The following APBA2 variants were observed in gnomAD, a reference collection of about 807,000 sequenced individuals.
APBA2 encodes amyloid-beta A4 precursor protein-binding family A member 2.
In APBA2, 30 loss-of-function variants were observed where a neutral mutation model predicts 75.0. The ratio of observed to expected loss-of-function variants is 0.40; its 90% CI spans 0.30 to 0.54. The LOEUF is 0.54. Among genes scored for constraint, APBA2 ranks in the 20% least tolerant of loss-of-function variants. APBA2 has a pLI of 0.49. For synonymous variants in APBA2, 444 were observed against 409.6 expected, an observed-to-expected ratio of 1.08 and a Z score of -1.01; for missense variants, 801 against 1,016.1, an observed-to-expected ratio of 0.79 and a Z score of 2.88.
At chr15:28,997,896 G>A (rs999265476) in intron 3 of APBA2, among the ~76,000 whole-genome samples, 2 of 152,196 alleles carry the variant, frequency 1.3e-5, no homozygotes, top group African/African-American at 4.8e-5. Flanking sequence ...TATCATGTAA[G>A]TGAATATACT....
chr15:28,969,921 C>T (rs1186594744), intron 2 of APBA2, among the ~76,000 whole-genome samples: 2 of 152,230 alleles, frequency 1.3e-5, no homozygotes, highest in Non-Finnish European at 2.9e-5. Flanking sequence ...CAGGCCAGGC[C>T]GGGCGGGCAG....
At chr15:28,983,238 C>T (rs1022521667) in intron 2 of APBA2, among the ~76,000 whole-genome samples, 7 of 152,106 alleles carry the variant, frequency 4.6e-5, no homozygotes, top group South Asian at 2.1e-4. Flanking sequence ...TTCAGTCAGC[C>T]GTCACGTTGG....
At chr15:29,005,919 A>C (rs2039091289) in intron 3 of APBA2, among the ~76,000 whole-genome samples, 1 of 152,130 alleles carries the variant, frequency 6.6e-6, no homozygotes, top group Non-Finnish European at 1.5e-5. Flanking sequence ...GAAAAGAAAG[A>C]GTTTAATACC....
intron 2 of APBA2, among the ~76,000 whole-genome samples, chr15:28,989,800 C>T (rs974248666): frequency 1.3e-5 from 2 of 152,194 alleles, no homozygotes; most frequent in Non-Finnish European, 2.9e-5. Flanking sequence ...GTAGACGTGG[C>T]TAAGCTGCCT....
In APBA2 at chr15:28,918,170, G is replaced by C. The variant is rs542014204; in HGVS notation, c.-204-3470G>C. 1.3e-5 allele frequency among the ~76,000 whole-genome samples: 2 copies of C among 152,224 alleles called. No individual in the cohort carries two copies. Among genetic ancestry groups the C allele is most frequent in the Admixed American group, 1.3e-4 (2 of 15,288 alleles). ...GGTGGTCTGCTTTGAGTTTTGCAGCGTTGCCTGCGGTCTCCGTGGGTGAGG... is the reference window on the plus strand; with the variant it reads ...GGTGGTCTGCTTTGAGTTTTGCAGCCTTGCCTGCGGTCTCCGTGGGTGAGG... On this transcript the variant is annotated intron_variant, in intron 1 of 14. Coordinates refer to ENST00000683413, the MANE Select transcript of APBA2 (RefSeq NM_001353788.2). The surrounding 1 kb of genome is among the most constrained non-coding windows in gnomAD (Gnocchi z 4.2).
intron 2 of APBA2, among the ~76,000 whole-genome samples, chr15:28,954,628 T>C (rs2036069698): frequency 6.6e-6 from 1 of 152,196 alleles, no homozygotes; most frequent in Non-Finnish European, 1.5e-5. Flanking sequence ...GGTTGGGGGC[T>C]TGGTCTGCCT....
intron 2 of APBA2, among the ~76,000 whole-genome samples, chr15:28,955,007 C>A (rs1265951632): frequency 6.6e-6 from 1 of 152,134 alleles, no homozygotes; most frequent in Non-Finnish European, 1.5e-5. Context: ...GCATAGCCGG[C>A]CCACCCCCAG....
intron 7 of APBA2, 47 bp downstream of exon 7, chr15:29,093,267 G>A (rs373385099): frequency 3.1e-6 from 5 of 1,609,858 alleles, no homozygotes. Flanking sequence ...ACACTTTGGG[G>A]GGCACTAGCA....
intron 1 of APBA2, among the ~76,000 whole-genome samples, chr15:28,887,346 C>T (rs1464703074): frequency 6.6e-6 from 1 of 152,202 alleles, no homozygotes; most frequent in Admixed American, 6.5e-5. Flanking sequence ...TTTCCTTCCT[C>T]TTTGAGAAAG....
At chr15:29,005,179 A>AACTGTCT (rs1461792275) in intron 3 of APBA2, among the ~76,000 whole-genome samples, 1 of 152,144 alleles carries the variant, frequency 6.6e-6, no homozygotes, top group Admixed American at 6.5e-5. Flanking sequence ...TCTACCACTT[A>AACTGTCT]ACTGTCTCTG....
At chr15:29,012,331 T>C (rs115430998) in intron 3 of APBA2, among the ~76,000 whole-genome samples, 1,620 of 152,332 alleles carry the variant, frequency 0.011, 30 homozygotes, top group African/African-American at 0.036. Context: ...TCAGGTATTC[T>C]ATAGAATATC....
chr15:28,890,646 G>A (rs1001724529), intron 1 of APBA2, among the ~76,000 whole-genome samples: 1 of 152,214 alleles, frequency 6.6e-6, no homozygotes, highest in Non-Finnish European at 1.5e-5. Flanking sequence ...AGTAACAGGA[G>A]CTCAGTTCCA....
intron 6 of APBA2, among the ~76,000 whole-genome samples, chr15:29,090,825 G>A (rs76473789): frequency 0.01 from 1,556 of 152,236 alleles, 20 homozygotes; most frequent in African/African-American, 0.035. Flanking sequence ...AGTAGAAACA[G>A]GCCTACCTCA....
intron 1 of APBA2, among the ~76,000 whole-genome samples, chr15:28,920,206 A>G (rs186504005): frequency 1.3e-5 from 2 of 152,308 alleles, no homozygotes; most frequent in African/African-American, 4.8e-5. Flanking sequence ...GAATTCAGAG[A>G]TGCCTGCACC....
intron 3 of APBA2, among the ~76,000 whole-genome samples, chr15:29,029,365 A>G (rs1028533699): frequency 2.6e-5 from 4 of 151,478 alleles, no homozygotes; most frequent in Non-Finnish European, 5.9e-5. Context: ...GTAAATGTGT[A>G]TATTTCCTAA....
chr15:28,943,655 A>G (rs986132889), intron 2 of APBA2, among the ~76,000 whole-genome samples: 6 of 152,106 alleles, frequency 3.9e-5, no homozygotes, highest in Non-Finnish European at 7.4e-5. Context: ...CACTGAGTAC[A>G]TGATGCCTAC....
intron 2 of APBA2, chr15:28,961,335 CAG>C (rs2036459629): frequency 6.6e-6 from 1 of 152,300 alleles, no homozygotes; most frequent in Non-Finnish European, 1.5e-5. Flanking sequence ...TCTGGGGCGT[CAG>C]TGGGGATTGG....
chr15:29,020,492 CT>C (rs1227430943), intron 3 of APBA2, among the ~76,000 whole-genome samples: 5 of 151,210 alleles, frequency 3.3e-5, no homozygotes, highest in African/African-American at 1.2e-4. Context: ...TTTCCAGTGA[CT>C]TTTTTAAAAA....
At chr15:29,008,412 AT>A (rs566164211) in intron 3 of APBA2, among the ~76,000 whole-genome samples, 7 of 151,722 alleles carry the variant, frequency 4.6e-5, no homozygotes, top group East Asian at 1.9e-4. Context: ...TTTTACCACA[AT>A]TTTTTTTTCT....
Sources: allele counts gnomAD v4.1 joint callset (sites outside exome capture counted in the v4.1 genomes callset), GRCh38; gene constraint gnomAD v4.1.1; non-coding constraint Gnocchi (gnomAD v3.1); transcripts MANE v1.5; gene names NCBI Gene and HGNC (gene_info 2026-07-23, HGNC 2026-07-21).